The following SLC39A12 variants were observed in gnomAD, a reference collection of about 807,000 sequenced individuals.
SLC39A12 encodes zinc transporter ZIP12.
In SLC39A12, 63 loss-of-function variants were observed where a neutral mutation model predicts 71.1. That is an observed-to-expected ratio of 0.89 (90% confidence interval 0.72 to 1.09). The LOEUF is 1.09. Ranked by LOEUF, SLC39A12 falls within the 50% of genes least tolerant of loss-of-function variation. The pLI is 0.00. For missense variants in SLC39A12, 892 were observed against 812.6 expected (o/e 1.10, Z -1.19); for synonymous variants, 351 against 301.3 (o/e 1.16, Z -1.71).
chr10:18,025,738 G>A (rs1564661100), intron 12 of SLC39A12, among the ~76,000 whole-genome samples: 1 of 152,004 alleles, frequency 6.6e-6, no homozygotes. Context: ...TAATCCTTTG[G>A]GTATTATACC....
intron 12 of SLC39A12, among the ~76,000 whole-genome samples, chr10:18,040,199 A>AT (rs1467246687): frequency 6.6e-6 from 1 of 152,204 alleles, no homozygotes. Context: ...CCAAAATGGC[A>AT]TTTTGAATTT....
chr10:18,016,782 T>C (rs1369445184), intron 12 of SLC39A12, among the ~76,000 whole-genome samples: 1 of 152,210 alleles, frequency 6.6e-6, no homozygotes, highest in Non-Finnish European at 1.5e-5. Context: ...AATTTGCAAT[T>C]CACTAATAAT....
At chr10:18,013,552 T>A (rs1191126730) in intron 12 of SLC39A12, among the ~76,000 whole-genome samples, 1 of 151,990 alleles carries the variant, frequency 6.6e-6, no homozygotes, top group African/African-American at 2.4e-5. Context: ...AAATGTTTTT[T>A]GTACATATGG....
intron 12 of SLC39A12, among the ~76,000 whole-genome samples, chr10:18,021,459 T>C (rs1836531055): frequency 6.6e-6 from 1 of 152,102 alleles, no homozygotes; most frequent in Non-Finnish European, 1.5e-5. Context: ...TTTTCTGTTT[T>C]CTGTTTGCTT....
At chr10:17,998,179 T>C (rs1262426118) in intron 10 of SLC39A12, among the ~76,000 whole-genome samples, 1 of 152,218 alleles carries the variant, frequency 6.6e-6, no homozygotes, top group Non-Finnish European at 1.5e-5. Context: ...CTTTATGGCT[T>C]ACATGCAAAT....
At chr10:18,037,300 A>G (rs1837080158) in intron 12 of SLC39A12, among the ~76,000 whole-genome samples, 1 of 152,180 alleles carries the variant, frequency 6.6e-6, no homozygotes, top group African/African-American at 2.4e-5. Context: ...TGACATTTTT[A>G]TGCTTAATAG....
chr10:17,955,271 T>C (rs1286019997), intron 2 of SLC39A12, among the ~76,000 whole-genome samples: 2 of 152,178 alleles, frequency 1.3e-5, no homozygotes, highest in African/African-American at 4.8e-5. Context: ...TGGTCCCCAT[T>C]TGAATCAGTT....
At chr10:18,003,031 C>A in intron 11 of SLC39A12, 140 bp from the exon 12 acceptor site, 1 of 658,366 alleles carries the variant, frequency 1.5e-6, no homozygotes, top group Non-Finnish European at 2.6e-6. Flanking sequence ...TATAGGAAAG[C>A]ATTTTATTTA....
chr10:17,967,932 T>G (rs1372822658), intron 4 of SLC39A12, among the ~76,000 whole-genome samples: 1 of 149,518 alleles, frequency 6.7e-6, no homozygotes, highest in African/African-American at 2.4e-5. Flanking sequence ...TTTATTTATT[T>G]CCCTCACAGA....
intron 12 of SLC39A12, chr10:18,004,516 G>T (rs1023527333): frequency 1.4e-4 from 22 of 152,272 alleles, no homozygotes; most frequent in African/African-American, 5.1e-4. Context: ...TTAGTAAGGG[G>T]ATTCTCAGAG....
chr10:18,007,062 G>C (rs1041038526), intron 12 of SLC39A12: 1 of 152,264 alleles, frequency 6.6e-6, no homozygotes, highest in African/African-American at 2.4e-5. Context: ...AAGTCCCTTC[G>C]TGGTGGTAGC....
chr10:17,955,359 G>C (rs1554847653), intron 2 of SLC39A12, among the ~76,000 whole-genome samples: 1 of 152,182 alleles, frequency 6.6e-6, no homozygotes, highest in Non-Finnish European at 1.5e-5. Flanking sequence ...TGAAGCAGAA[G>C]TGAGTCTCAG....
At chr10:17,981,530 C>A in intron 6 of SLC39A12, 47 bp downstream of exon 6, 3 of 1,467,538 alleles carry the variant, frequency 2.0e-6, no homozygotes, top group Non-Finnish European at 2.8e-6. Flanking sequence ...ACAATGTATG[C>A]AATAATAATA....
At chr10:18,000,892 G>C in intron 11 of SLC39A12, 67 bp downstream of exon 11, 1 of 1,432,120 alleles carries the variant, frequency 7.0e-7, no homozygotes. Flanking sequence ...TCCAGCTATG[G>C]TTTACTAGGA....
At chr10:18,028,347 G>A (rs1405465520) in intron 12 of SLC39A12, among the ~76,000 whole-genome samples, 2 of 152,170 alleles carry the variant, frequency 1.3e-5, no homozygotes, top group African/African-American at 4.8e-5. Flanking sequence ...TCTTCAGTGT[G>A]TATATTTATG....
At chr10:18,033,939 G>A (rs1411976043) in intron 12 of SLC39A12, among the ~76,000 whole-genome samples, 2 of 150,858 alleles carry the variant, frequency 1.3e-5, no homozygotes, top group Non-Finnish European at 3.0e-5. Context: ...AGGTTGTTCA[G>A]TTTCCATGTA....
chr10:18,024,719 C>G (rs1836626811), intron 12 of SLC39A12, among the ~76,000 whole-genome samples: 1 of 152,166 alleles, frequency 6.6e-6, no homozygotes, highest in Non-Finnish European at 1.5e-5. Flanking sequence ...GTCTTCAAAT[C>G]TAGTTGTGAA....
chr10:17,987,784 A>G, intron 7 of SLC39A12, 133 bp downstream of exon 7: 1 of 933,846 alleles, frequency 1.1e-6, no homozygotes, highest in Non-Finnish European at 1.6e-6. Context: ...CCTTAAAAAG[A>G]AATATTATTT....
intron 4 of SLC39A12, among the ~76,000 whole-genome samples, chr10:17,968,195 G>C (rs944291762): frequency 1.3e-4 from 20 of 151,688 alleles, no homozygotes; most frequent in Non-Finnish European, 2.4e-4. Context: ...ATATAGTTTT[G>C]ACTATTTATT....
Sources: gnomAD v4.1 joint callset for allele counts (sites outside exome capture counted in the v4.1 genomes callset) on GRCh38, gnomAD v4.1.1 for gene constraint, MANE v1.5 for transcripts, NCBI Gene and HGNC (gene_info 2026-07-23, HGNC 2026-07-21) for gene names.